Variants in NDUFAF2 observed in about 807,000 individuals in gnomAD.
NDUFAF2 encodes NADH dehydrogenase [ubiquinone] 1 alpha subcomplex assembly factor 2.
In NDUFAF2, 13 loss-of-function variants were observed where a neutral mutation model predicts 22.8. That is an observed-to-expected ratio of 0.57 (90% CI 0.37 to 0.91). The LOEUF is 0.91. NDUFAF2 is among the 40% of genes least tolerant of loss of function. The pLI is 0.01. For synonymous variants in NDUFAF2, 53 were observed against 64.2 expected, an observed-to-expected ratio of 0.83 and a Z score of 0.84; for missense variants, 162 against 195.2, an observed-to-expected ratio of 0.83 and a Z score of 1.01.
At chr5:61,119,395 T>C (rs1752950659) in intron 3 of NDUFAF2, among the ~76,000 whole-genome samples, 1 of 152,184 alleles carries the variant, frequency 6.6e-6, no homozygotes, top group African/African-American at 2.4e-5. Flanking sequence ...CTGTTTTTAG[T>C]ATTTTTTTTC....
chr5:60,983,005 C>G (rs1054888995), intron 1 of NDUFAF2, among the ~76,000 whole-genome samples: 9 of 151,528 alleles, frequency 5.9e-5, no homozygotes, highest in Admixed American at 2.0e-4. Flanking sequence ...AACTAGTTTA[C>G]GGTCCCACCA....
intron 3 of NDUFAF2, among the ~76,000 whole-genome samples, chr5:61,120,371 TTG>T (rs1265443611): frequency 6.6e-6 from 1 of 152,154 alleles, no homozygotes; most frequent in Non-Finnish European, 1.5e-5. Flanking sequence ...TTATGCTAGT[TTG>T]TGTTATAAAT....
At chr5:61,056,416 A>C (rs943209228) in intron 1 of NDUFAF2, among the ~76,000 whole-genome samples, 2 of 152,228 alleles carry the variant, frequency 1.3e-5, no homozygotes, top group Admixed American at 1.3e-4. Flanking sequence ...AATGGAATCA[A>C]CTTTTCTTTT....
At chr5:61,091,867 T>G (rs1200308477) in intron 2 of NDUFAF2, among the ~76,000 whole-genome samples, 1 of 152,172 alleles carries the variant, frequency 6.6e-6, no homozygotes, top group Non-Finnish European at 1.5e-5. Context: ...TGAGTTAATT[T>G]TTGTGTGTGT....
intron 1 of NDUFAF2, among the ~76,000 whole-genome samples, chr5:61,003,464 A>G (rs1010617419): frequency 6.6e-6 from 1 of 152,008 alleles, no homozygotes; most frequent in East Asian, 1.9e-4. Flanking sequence ...GCTGAATAAA[A>G]CAAGGTACTA....
At position 60,945,593 on chromosome 5, in the gene NDUFAF2, C is replaced by T. The variant is rs370560478; in HGVS notation, c.127+211C>T. Among the ~76,000 whole-genome samples the T allele has an allele frequency of 2.3e-3, 355 of 152,370 alleles. 1 individual carries two copies. Among genetic ancestry groups the T allele is most frequent in the Middle Eastern group, 0.017 (5 of 294 alleles). On this transcript the variant is annotated intron_variant, in intron 1 of 3. Coordinates refer to ENST00000296597, the MANE Select transcript of NDUFAF2 (RefSeq NM_174889.5). ...GGCTCTGGGCGCCTTGGCCCGGCCT[C>T]GTGCGTCCGCGGTCCCTACTACCCA... is the stretch of plus-strand genomic sequence containing the variant.
At chr5:61,046,443 G>A (rs932717482) in intron 1 of NDUFAF2, among the ~76,000 whole-genome samples, 10 of 151,990 alleles carry the variant, frequency 6.6e-5, no homozygotes, top group African/African-American at 1.9e-4. Context: ...TTTGATGGGA[G>A]ACTTTTTTAT....
At chr5:61,040,295 C>CGT (rs1362801285) in intron 1 of NDUFAF2, among the ~76,000 whole-genome samples, 2 of 150,392 alleles carry the variant, frequency 1.3e-5, no homozygotes, top group Non-Finnish European at 1.5e-5. Flanking sequence ...CACGCGCGCG[C>CGT]GCGCGCGAAA....
rs541242470 is a variant in NDUFAF2, at chr5:61,110,694, T to G, written c.258+11662T>G. ...CTTTTTCACGTCTTATTTTTTTGTATTTTGGTCTTCTGTCTTTTTTCTTAA... is the reference window on the plus strand; with the variant it reads ...CTTTTTCACGTCTTATTTTTTTGTAGTTTGGTCTTCTGTCTTTTTTCTTAA... On this transcript the variant is annotated intron_variant, in intron 3 of 3. Transcript: ENST00000296597. Among the ~76,000 whole-genome samples, 7 of 152,216 alleles carry G rather than the reference T, an allele frequency of 4.6e-5. No homozygotes were observed. In the South Asian group the frequency reaches 1.5e-3, roughly 32 times the overall value.
intron 2 of NDUFAF2, among the ~76,000 whole-genome samples, chr5:61,076,365 C>T (rs1752370871): frequency 6.6e-6 from 1 of 152,188 alleles, no homozygotes; most frequent in Non-Finnish European, 1.5e-5. Context: ...TGAGCCACCG[C>T]GCCCGGCCGT....
chr5:61,131,619 A>G (rs186663576), intron 3 of NDUFAF2, among the ~76,000 whole-genome samples: 88 of 152,298 alleles, frequency 5.8e-4, no homozygotes, highest in Non-Finnish European at 1.0e-3. Flanking sequence ...ATAAATTACA[A>G]TGGAATACTA....
At chr5:61,101,309 G>C (rs1752702890) in intron 3 of NDUFAF2, among the ~76,000 whole-genome samples, 1 of 152,042 alleles carries the variant, frequency 6.6e-6, no homozygotes, top group African/African-American at 2.4e-5. Context: ...CTTGACAAAA[G>C]AAAACCTTAA....
chr5:61,025,651 A>G (rs1401078207), intron 1 of NDUFAF2, among the ~76,000 whole-genome samples: 1 of 151,978 alleles, frequency 6.6e-6, no homozygotes, highest in Admixed American at 6.6e-5. Context: ...TACTCTTGGC[A>G]ATATTTAATG....
intron 1 of NDUFAF2, among the ~76,000 whole-genome samples, chr5:60,968,326 C>T (rs944082736): frequency 5.3e-5 from 8 of 151,660 alleles, no homozygotes; most frequent in Admixed American, 5.3e-4. Flanking sequence ...TTCTAGTCTC[C>T]ATTTCCTTTT....
chr5:61,136,039 A>ATATATATATATATATATATATATCTATC (rs1367597510), intron 3 of NDUFAF2, among the ~76,000 whole-genome samples: 1 of 103,390 alleles, frequency 9.7e-6, no homozygotes, highest in African/African-American at 3.7e-5. Flanking sequence ...ATATATATAT[A>ATATATATATATATATATATATATCTATC]TATCTAGGGT....
intron 1 of NDUFAF2, among the ~76,000 whole-genome samples, chr5:60,960,550 T>C (rs573578080): frequency 6.6e-6 from 1 of 152,340 alleles, no homozygotes; most frequent in Admixed American, 6.5e-5. Context: ...TTGAAGACTT[T>C]GTAAGTGTGA....
chr5:61,105,565 A>G (rs1383792350), intron 3 of NDUFAF2, among the ~76,000 whole-genome samples: 1 of 150,642 alleles, frequency 6.6e-6, no homozygotes, highest in Non-Finnish European at 1.5e-5. Context: ...GAAAAAAAAA[A>G]CTTAAGAATG....
intron 1 of NDUFAF2, among the ~76,000 whole-genome samples, chr5:60,986,413 G>C (rs1206589345): frequency 6.6e-6 from 1 of 152,154 alleles, no homozygotes. Flanking sequence ...GAAGTTATTT[G>C]AAACTAATGA....
chr5:61,091,915 C>T (rs1400435953), intron 2 of NDUFAF2, among the ~76,000 whole-genome samples: 1 of 152,172 alleles, frequency 6.6e-6, no homozygotes, highest in Non-Finnish European at 1.5e-5. Flanking sequence ...CTGCATATGG[C>T]TAGCCAGTTA....
Sources: allele counts gnomAD v4.1 joint callset (sites outside exome capture counted in the v4.1 genomes callset), GRCh38; gene constraint gnomAD v4.1.1; transcripts MANE v1.5; gene names NCBI Gene and HGNC (gene_info 2026-07-23, HGNC 2026-07-21).